PLCE1: variants seen among roughly 807,000 people sequenced by gnomAD.
The protein encoded by PLCE1 is 1-phosphatidylinositol 4,5-bisphosphate phosphodiesterase epsilon-1.
PLCE1 carries 119 observed loss-of-function variants against 242.8 expected under a neutral mutation model. That is an observed-to-expected ratio of 0.49 (90% CI 0.42 to 0.57). PLCE1 has a LOEUF of 0.57. Ranked by LOEUF, PLCE1 falls within the 20% of genes least tolerant of loss-of-function variation. The probability of loss-of-function intolerance (pLI) is 0.00; values close to 1 mark genes in which losing one functional copy is unlikely to be tolerated. For missense variants in PLCE1, 2,441 were observed against 2,788.8 expected (o/e 0.88, Z 2.81); for synonymous variants, 945 against 1,017.4 (o/e 0.93, Z 1.35).
intron 2 of PLCE1, among the ~76,000 whole-genome samples, chr10:94,101,557 A>C (rs2045537029): frequency 6.6e-6 from 1 of 152,198 alleles, no homozygotes; most frequent in East Asian, 1.9e-4. Context: ...AAGAGGAGAA[A>C]ACCCCCCTGA....
At chr10:94,129,834 C>T (rs2046543227) in intron 2 of PLCE1, among the ~76,000 whole-genome samples, 1 of 152,168 alleles carries the variant, frequency 6.6e-6, no homozygotes, top group Non-Finnish European at 1.5e-5. Context: ...AATCTCCTTG[C>T]TTTAACATTC....
chr10:94,071,649 C>T (rs2044363953), intron 2 of PLCE1, among the ~76,000 whole-genome samples: 1 of 151,736 alleles, frequency 6.6e-6, no homozygotes, highest in Non-Finnish European at 1.5e-5. Context: ...CAGGTGCATG[C>T]CACCATGCCC....
At chr10:94,041,580 G>A (rs1399085324) in intron 2 of PLCE1, among the ~76,000 whole-genome samples, 1 of 152,116 alleles carries the variant, frequency 6.6e-6, no homozygotes. Flanking sequence ...ACAGCTGTGT[G>A]CTTCAGTGGG....
intron 3 of PLCE1, among the ~76,000 whole-genome samples, chr10:94,148,788 T>C (rs1392789331): frequency 1.3e-5 from 2 of 152,206 alleles, no homozygotes; most frequent in Non-Finnish European, 2.9e-5. Context: ...CAGCAAAGCG[T>C]AGACGTCATA....
In PLCE1 at chr10:94,307,609, G is replaced by C. The variant is rs76959628; in HGVS notation, c.5884+921G>C. On this transcript the variant is annotated intron_variant, in intron 26 of 32. Coordinates refer to ENST00000371380, the MANE Select transcript of PLCE1 (RefSeq NM_016341.4). ...AAGTCTGAGATCAGGGTGTTGGCAG[G>C]TTTGGTTTCTTCTAGGGCCTCTCTC... Among the ~76,000 whole-genome samples, 783 of 152,300 alleles carry C rather than the reference G, an allele frequency of 5.1e-3. 8 individuals carry two copies. The highest frequency in any genetic ancestry group is 0.015 in the African/African-American group (632 of 41,560).
intron 4 of PLCE1, among the ~76,000 whole-genome samples, chr10:94,190,156 T>C (rs996485841): frequency 2.6e-5 from 4 of 152,220 alleles, no homozygotes; most frequent in Non-Finnish European, 5.9e-5. Flanking sequence ...AGTGCCCCCC[T>C]GTGATCCCAG....
At chr10:94,127,427 C>T (rs909140748) in intron 2 of PLCE1, among the ~76,000 whole-genome samples, 57 of 152,130 alleles carry the variant, frequency 3.7e-4, no homozygotes, top group African/African-American at 1.3e-3. Flanking sequence ...GTCTTTCATC[C>T]TCCCGCAATC....
At position 94,184,881 on chromosome 10, in the gene PLCE1, T is replaced by G. The variant is rs527555548; in HGVS notation, c.1809+13385T>G. 7.9e-5 allele frequency among the ~76,000 whole-genome samples: 12 copies of G among 152,354 alleles called. No homozygotes were observed. The South Asian group carries it at 2.1e-3, about 26-fold the overall frequency. On this transcript the variant is annotated intron_variant, in intron 4 of 32. Coordinates refer to ENST00000371380, the MANE Select transcript of PLCE1 (RefSeq NM_016341.4). ...TTCTATCTCCTTAGGCTAGAAACTT[T>G]TCTAACTTGTTCATTGCTATATCTC...
chr10:94,050,464 T>G (rs143902258), intron 2 of PLCE1, among the ~76,000 whole-genome samples: 1,622 of 152,198 alleles, frequency 0.011, 17 homozygotes, highest in Middle Eastern at 0.041. Context: ...GTGGGGTCTA[T>G]GGGGATTACA....
rs192879075 is a variant in PLCE1 at position 94,257,517 on chromosome 10, A to G, written c.3555-1283A>G. The stretch of plus-strand genomic sequence containing the variant: ...TCACAATAGCAAAGACTTGGAACCA[A>G]CCCAAATGTCCATCAATGATAGACT... On this transcript the variant is annotated intron_variant, in intron 11 of 32. Transcript: ENST00000371380. Among the ~76,000 whole-genome samples, 1,464 of 152,260 alleles carry G rather than the reference A, an allele frequency of 9.6e-3. 14 individuals carry two copies. Among genetic ancestry groups the G allele is most frequent in the Non-Finnish European group, 0.017 (1,127 of 68,020 alleles).
At chr10:94,286,585 A>G (rs1043422509) in intron 22 of PLCE1, among the ~76,000 whole-genome samples, 2 of 152,222 alleles carry the variant, frequency 1.3e-5, no homozygotes, top group Admixed American at 1.3e-4. Context: ...ATTTCATGAT[A>G]TTAAAATCAT....
intron 13 of PLCE1, among the ~76,000 whole-genome samples, chr10:94,259,848 C>G (rs950104894): frequency 2.0e-5 from 3 of 152,040 alleles, no homozygotes; most frequent in African/African-American, 7.2e-5. Flanking sequence ...GCTGGGGAGG[C>G]CTTACAATCA....
chr10:94,144,897 C>T (rs1420921676), intron 3 of PLCE1, among the ~76,000 whole-genome samples: 2 of 152,146 alleles, frequency 1.3e-5, no homozygotes, highest in Non-Finnish European at 2.9e-5. Context: ...TAATTTAAGC[C>T]TCATATTTTT....
At chr10:94,165,541 G>A (rs1460009646) in intron 3 of PLCE1, among the ~76,000 whole-genome samples, 6 of 152,106 alleles carry the variant, frequency 3.9e-5, no homozygotes, top group African/African-American at 9.6e-5. Context: ...GTTCCTATTC[G>A]GCTGTCTTGG....
At chr10:94,323,830 A>C (rs929437943) in intron 30 of PLCE1, among the ~76,000 whole-genome samples, 2 of 152,240 alleles carry the variant, frequency 1.3e-5, no homozygotes, top group African/African-American at 4.8e-5. Context: ...TAAACATTTA[A>C]TGAATTAACA....
chr10:94,118,757 G>A (rs576631141), intron 2 of PLCE1, among the ~76,000 whole-genome samples: 3 of 152,194 alleles, frequency 2.0e-5, no homozygotes, highest in East Asian at 1.9e-4. Flanking sequence ...TATCAGCACC[G>A]TGAAAACGGA....
At chr10:94,169,729 A>G (rs2047914057) in intron 3 of PLCE1, among the ~76,000 whole-genome samples, 1 of 152,194 alleles carries the variant, frequency 6.6e-6, no homozygotes, top group African/African-American at 2.4e-5. Context: ...GAAGTTAGAT[A>G]ATAGGAATTA....
At chr10:94,223,030 A>AGGC (rs762115174) in intron 4 of PLCE1, among the ~76,000 whole-genome samples, 25 of 151,984 alleles carry the variant, frequency 1.6e-4, no homozygotes, top group Non-Finnish European at 3.2e-4. Context: ...AGCCTTCTGA[A>AGGC]ACCTGGGGTC....
intron 28 of PLCE1, among the ~76,000 whole-genome samples, chr10:94,313,741 C>T (rs1589524289): frequency 1.3e-5 from 2 of 151,178 alleles, no homozygotes; most frequent in African/African-American, 4.8e-5. Flanking sequence ...AATCTTCCTT[C>T]TTCACGCAGA....
Sources: allele counts gnomAD v4.1 joint callset (sites outside exome capture counted in the v4.1 genomes callset), GRCh38; gene constraint gnomAD v4.1.1; transcripts MANE v1.5; gene names NCBI Gene and HGNC (gene_info 2026-07-23, HGNC 2026-07-21).